The following SPTA1 variants were observed in gnomAD, a reference collection of about 807,000 sequenced individuals.
SPTA1 encodes spectrin alpha, erythrocytic 1.
A neutral mutation model predicts 324.7 loss-of-function variants in SPTA1; 177 were observed. That is an observed-to-expected ratio of 0.55 (90% CI 0.48 to 0.62). SPTA1 has a LOEUF of 0.62. Among genes scored for constraint, SPTA1 ranks in the 20% least tolerant of loss-of-function variants. The pLI is 0.00. For synonymous variants in SPTA1, 1,195 were observed against 1,041.3 expected (o/e 1.15, Z -2.84); for missense variants, 3,162 against 2,883.6 (o/e 1.10, Z -2.21).
intron 42 of SPTA1, 90 bp downstream of exon 42, chr1:158,626,056 A>G: frequency 8.1e-7 from 1 of 1,237,988 alleles, no homozygotes; most frequent in Admixed American, 1.7e-5. Flanking sequence ...TACAGACAAT[A>G]AAATCCCAAA....
At chr1:158,622,336 A>G (rs1323900479) in intron 43 of SPTA1, among the ~76,000 whole-genome samples, 1 of 152,018 alleles carries the variant, frequency 6.6e-6, no homozygotes, top group Admixed American at 6.5e-5. Context: ...TGTATTATTA[A>G]TGTACATATA....
At chr1:158,673,869 T>C (rs1210737233) in intron 10 of SPTA1, among the ~76,000 whole-genome samples, 1 of 152,202 alleles carries the variant, frequency 6.6e-6, no homozygotes, top group Non-Finnish European at 1.5e-5. Context: ...TAACTCCCCA[T>C]ATCTGTAGGT....
rs56954229 is a variant in SPTA1, at chr1:158,626,034, T to C, written c.5910+112A>G. On this transcript the variant is annotated intron_variant, in intron 42 of 51. Transcript: ENST00000643759. ...AATTATTAATATTAAGAAGGGAAAA[T>C]CTTACAGAGGCTACAGACAATAAAA... is the stretch of plus-strand genomic sequence containing the variant. 238,640 of 867,086 alleles carry C rather than the reference T, an allele frequency of 0.28. 33,802 individuals carry two copies. Among genetic ancestry groups the C allele is most frequent in the Non-Finnish European group, 0.29 (153,883 of 535,906 alleles). The allele number at this position is 867,086 out of a possible 1,614,324, so 53.7% of individuals were successfully genotyped here. A position where few individuals can be genotyped will look rare whatever the true frequency, so the allele number is the denominator to read the frequency against.
In SPTA1 at chr1:158,642,478, C is replaced by A. The variant is rs750172201; in HGVS notation, c.4670G>T (p.Gly1557Val). The A allele has an allele frequency of 6.2e-7, 1 of 1,613,744 alleles. No individual in the cohort carries two copies. Among genetic ancestry groups the A allele is most frequent in the Non-Finnish European group, 8.5e-7 (1 of 1,179,764 alleles). Residue 1557 changes from glycine (G) to valine (V), a missense_variant, in exon 33 of 52, where the codon GGC becomes GTC. By Grantham distance (109) the Gly-to-Val change is moderately radical (BLOSUM62 -3). Transcript: ENST00000643759. ...CAGGGAGTTCCCCAGGTTGATGACG[C>A]CATGCACCTGCTCAGATCGGCCATC... is the stretch of plus-strand genomic sequence containing the variant. ...EVDGRSEQVH[G>V]VINLGNSLIE...
chr1:158,644,639 T>C lies in SPTA1; in HGVS notation c.4195-243A>G, dbSNP rs140661198. ...GTGCTATTTCCTATTTCTTAAACCT[T>C]GTTAATACTGGCTGGTCATTTCCTT... On this transcript the variant is annotated intron_variant, in intron 29 of 51. Transcript: ENST00000643759. 2.1e-3 allele frequency among the ~76,000 whole-genome samples: 324 copies of C among 152,322 alleles called. 3 individuals carry two copies. The highest frequency in any genetic ancestry group is 7.5e-3 in the African/African-American group (311 of 41,570).
intron 27 of SPTA1, among the ~76,000 whole-genome samples, 190 bp downstream of exon 27, chr1:158,647,349 C>T (rs982180760): frequency 1.3e-5 from 2 of 152,104 alleles, no homozygotes; most frequent in Non-Finnish European, 2.9e-5. Context: ...GCCTACATGG[C>T]TTCATATTCT....
chr1:158,643,796 T>G (rs947386954), intron 30 of SPTA1, among the ~76,000 whole-genome samples: 1 of 152,100 alleles, frequency 6.6e-6, no homozygotes, highest in East Asian at 1.9e-4. Context: ...TGAAACAATG[T>G]CAAGTGTCAA....
chr1:158,653,193 A>T (rs1198496535), intron 22 of SPTA1, 81 bp downstream of exon 22: 1 of 1,589,886 alleles, frequency 6.3e-7, no homozygotes, highest in Admixed American at 1.7e-5. Flanking sequence ...AATCTAACAG[A>T]TGCAGGGTCA....
At position 158,652,498 on chromosome 1, in the gene SPTA1, T is replaced by G. The variant is rs370460517; in HGVS notation, c.3344A>C (p.Glu1115Ala). 19 of 1,614,182 alleles carry G rather than the reference T, an allele frequency of 1.2e-5. No homozygotes were observed. In the African/African-American group the frequency reaches 1.9e-4, roughly 16 times the overall value. ...NTGVELDDVWELQKKFDEFQK... is the reference protein window; with the variant it reads ...NTGVELDDVWALQKKFDEFQK... ...GAACTCATCAAACTTTTTCTGCAGC[T>G]CCCAAACATCATCTAGTTCCACTCC... The change falls in exon 23 of 52, where the codon GAG becomes GCG. Residue 1115 changes from glutamate to alanine, a missense_variant. Glu to Ala is a moderately radical substitution (Grantham distance 107, BLOSUM62 -1). Coordinates refer to ENST00000643759, the MANE Select transcript of SPTA1 (RefSeq NM_003126.4).
rs755230342 is a variant in SPTA1 at position 158,611,375 on chromosome 1, C to T, written c.7149G>A (p.Glu2383=). The T allele has an allele frequency of 1.2e-6, 2 of 1,613,642 alleles. No individual in the cohort carries two copies. Among genetic ancestry groups the T allele is most frequent in the Admixed American group, 1.7e-5 (1 of 59,962 alleles). Residue 2383 remains glutamate (E), a synonymous_variant, in exon 52 of 52, where the codon GAG becomes GAA. Coordinates refer to ENST00000643759, the MANE Select transcript of SPTA1 (RefSeq NM_003126.4). ...KEDMKQALTP[E]QVSFCATHMQ... ...TATGTGTGGCACAGAATGACACTTG[C>T]TCTGGGGTAAGGGCCTGAAAAGTAT...
At position 158,635,982 on chromosome 1, in the gene SPTA1, T is replaced by G. The variant is rs767646605; in HGVS notation, c.5363A>C (p.Glu1788Ala). ...KLKDKAAVGQ[E>A]EIQLRLAQFV... ...CTGAGCCAGCCGCAACTGGATCTCC[T>G]CTTGCCCCACAGCAGCCTTGTCTTT... The change falls in exon 38 of 52, where the codon GAG becomes GCG. Residue 1788 changes from glutamate to alanine, a missense_variant. By Grantham distance (107) the Glu-to-Ala change is moderately radical. Coordinates refer to ENST00000643759, the MANE Select transcript of SPTA1 (RefSeq NM_003126.4). 12 of 1,614,198 alleles carry G rather than the reference T, an allele frequency of 7.4e-6. No individual in the cohort carries two copies. In the South Asian group the frequency reaches 1.2e-4, roughly 16 times the overall value.
Position 158,614,260 on chromosome 1 carries a change from T to C in SPTA1, c.6835A>G (p.Ile2279Val), listed in dbSNP as rs759676611. The stretch of plus-strand genomic sequence containing the variant: ...CTATGAAATTATACTCACTTATAGA[T>C]TGTGCTAAATTCCTTTAGAGTCTCT... ...SEETLKEFST[I>V]YKHFDENLTG... The change falls in exon 49 of 52, where the codon ATC (isoleucine) becomes GTC (valine). Residue 2279 changes from isoleucine to valine, a missense_variant. Transcript: ENST00000643759. The C allele has an allele frequency of 6.3e-7, 1 of 1,593,290 alleles. No individual in the cohort carries two copies. Among genetic ancestry groups the C allele is most frequent in the South Asian group, 1.1e-5 (1 of 90,530 alleles).
rs781270002 is a variant in SPTA1, at chr1:158,648,639, G to A, written c.3584C>T (p.Thr1195Met). 14 of 1,613,612 alleles carry A rather than the reference G, an allele frequency of 8.7e-6. No homozygotes were observed. Among genetic ancestry groups the A allele is most frequent in the East Asian group, 6.7e-5 (3 of 44,878 alleles). The change falls in exon 26 of 52, where the codon ACG becomes ATG. Residue 1195 changes from threonine (T) to methionine (M), a missense_variant. Physicochemically the swap from Thr to Met is moderately conservative, Grantham distance 81. Transcript: ENST00000643759. ...VEVFHREADD[T>M]KEQIEKKCQA... The stretch of plus-strand genomic sequence containing the variant: ...GCATTTCTTCTCAATCTGCTCCTTC[G>A]TGTCATCTGCTTCTCTGGTATACAA...
At chr1:158,680,412 G>A (rs1489033784) in intron 5 of SPTA1, among the ~76,000 whole-genome samples, 171 bp downstream of exon 5, 44 of 152,142 alleles carry the variant, frequency 2.9e-4, no homozygotes, top group Non-Finnish European at 7.4e-5. Flanking sequence ...ACTTGTAAGG[G>A]GTGGGTCCAG....
chr1:158,611,605 C>T (rs2101741953), intron 51 of SPTA1: 1 of 491,956 alleles, frequency 2.0e-6, no homozygotes, highest in Non-Finnish European at 3.6e-6. Context: ...AGAGAGCTTA[C>T]TCACTTTGAT....
In SPTA1 at chr1:158,672,210, G is replaced by C; in HGVS notation, c.1351-14C>G. The C allele has an allele frequency of 6.2e-7, 1 of 1,611,868 alleles. No individual in the cohort carries two copies. Among genetic ancestry groups the C allele is most frequent in the Non-Finnish European group, 8.5e-7 (1 of 1,178,484 alleles). ...AAGTATTTCCATCTTTGGAAAGAAGGAGATAATGTATATGGAAGATAATTA... is the reference window on the plus strand; with the variant it reads ...AAGTATTTCCATCTTTGGAAAGAAGCAGATAATGTATATGGAAGATAATTA... On this transcript the variant is annotated splice_polypyrimidine_tract_variant and intron_variant, in intron 10 of 51. Coordinates refer to ENST00000643759, the MANE Select transcript of SPTA1 (RefSeq NM_003126.4).
intron 45 of SPTA1, among the ~76,000 whole-genome samples, chr1:158,618,458 A>G (rs932256467): frequency 1.3e-5 from 2 of 152,226 alleles, no homozygotes; most frequent in Non-Finnish European, 2.9e-5. Flanking sequence ...AAAAGTATAT[A>G]TCATGAATTG....
intron 30 of SPTA1, 118 bp from the exon 31 acceptor site, chr1:158,643,543 G>C (rs563649505): frequency 2.0e-6 from 2 of 988,392 alleles, no homozygotes; most frequent in South Asian, 2.7e-5. Flanking sequence ...GATATACTCA[G>C]GGTCAAATAA....
At position 158,663,143 on chromosome 1, in the gene SPTA1, C is replaced by A. The variant is rs180836880; in HGVS notation, c.2221-198G>T. On this transcript the variant is annotated intron_variant, in intron 16 of 51. Coordinates refer to ENST00000643759, the MANE Select transcript of SPTA1 (RefSeq NM_003126.4). ...CCACATCAGGTAAGGGCTATTCATA[C>A]GAAAGTAGTTCTCAAAACATATTTT... Among the ~76,000 whole-genome samples the A allele has an allele frequency of 2.0e-5, 3 of 152,120 alleles. No homozygotes were observed. The East Asian group carries it at 5.8e-4, about 29-fold the overall frequency.
Sources: allele counts gnomAD v4.1 joint callset (sites outside exome capture counted in the v4.1 genomes callset), GRCh38; gene constraint gnomAD v4.1.1; transcripts MANE v1.5; gene names NCBI Gene and HGNC (gene_info 2026-07-23, HGNC 2026-07-21).